The following ST6GALNAC5 variants were observed in gnomAD, a reference collection of about 807,000 sequenced individuals.
The protein encoded by ST6GALNAC5 is ST6 N-acetylgalactosaminide alpha-2,6-sialyltransferase 5.
Under a neutral mutation model 33.6 loss-of-function variants are expected in ST6GALNAC5, and 27 were observed. The observed-to-expected ratio is 0.80, with a 90% confidence interval of 0.59 to 1.11. The LOEUF (loss-of-function observed/expected upper bound fraction) is 1.11, where lower values mean the gene tolerates loss of function less well. ST6GALNAC5 is among the 50% of genes least tolerant of loss of function. The pLI, the probability that ST6GALNAC5 is intolerant of heterozygous loss-of-function variation, is 0.00. For missense variants in ST6GALNAC5, 428 were observed against 454.0 expected (o/e 0.94, Z 0.52); for synonymous variants, 194 against 171.2 (o/e 1.13, Z -1.04).
chr1:76,902,612 C>T (rs1408062519), intron 2 of ST6GALNAC5, among the ~76,000 whole-genome samples: 1 of 152,080 alleles, frequency 6.6e-6, no homozygotes, highest in Non-Finnish European at 1.5e-5. Flanking sequence ...GAAGGCCTTT[C>T]AAATTTCATA....
intron 2 of ST6GALNAC5, among the ~76,000 whole-genome samples, chr1:76,955,396 A>C (rs1281569633): frequency 6.6e-6 from 1 of 152,288 alleles, no homozygotes. Flanking sequence ...GATTAGTTTA[A>C]TTTCTTACAA....
intron 2 of ST6GALNAC5, among the ~76,000 whole-genome samples, chr1:76,922,813 G>T (rs1289997652): frequency 6.6e-6 from 1 of 151,948 alleles, no homozygotes; most frequent in Admixed American, 6.6e-5. Context: ...ACACGCACCT[G>T]TGGTCCCAGC....
At chr1:76,984,212 T>C (rs940977641) in intron 2 of ST6GALNAC5, among the ~76,000 whole-genome samples, 3 of 152,114 alleles carry the variant, frequency 2.0e-5, no homozygotes, top group African/African-American at 7.2e-5. Context: ...AAAAAATTAA[T>C]GAATTCAGGA....
intron 2 of ST6GALNAC5, among the ~76,000 whole-genome samples, chr1:76,886,585 A>G (rs905575222): frequency 3.9e-5 from 6 of 152,186 alleles, no homozygotes; most frequent in African/African-American, 1.4e-4. Flanking sequence ...TATAAAATCA[A>G]CTATTTCATT....
chr1:76,940,481 G>A (rs1461248468), intron 2 of ST6GALNAC5, among the ~76,000 whole-genome samples: 8 of 152,048 alleles, frequency 5.3e-5, no homozygotes, highest in Non-Finnish European at 1.0e-4. Context: ...GCACATACAT[G>A]TTAGTGTGCA....
intron 2 of ST6GALNAC5, among the ~76,000 whole-genome samples, chr1:76,915,720 C>T (rs1477093156): frequency 1.3e-5 from 2 of 151,656 alleles, no homozygotes; most frequent in African/African-American, 2.4e-5. Flanking sequence ...GGAGGGATAG[C>T]ATTAGGAGAT....
At chr1:76,917,526 T>A (rs914584400) in intron 2 of ST6GALNAC5, among the ~76,000 whole-genome samples, 1 of 152,076 alleles carries the variant, frequency 6.6e-6, no homozygotes, top group African/African-American at 2.4e-5. Flanking sequence ...AGGAATGAGG[T>A]TATAAATAAT....
chr1:77,024,157 A>C (rs771214965), intron 2 of ST6GALNAC5, among the ~76,000 whole-genome samples: 1 of 152,134 alleles, frequency 6.6e-6, no homozygotes, highest in East Asian at 1.9e-4. Context: ...AGCTGACCCA[A>C]TGTGCTCCCC....
chr1:76,914,557 C>A (rs1240357110), intron 2 of ST6GALNAC5, among the ~76,000 whole-genome samples: 3 of 152,174 alleles, frequency 2.0e-5, no homozygotes, highest in Non-Finnish European at 4.4e-5. Context: ...ACTATCTGAT[C>A]TTTGACAAAC....
intron 2 of ST6GALNAC5, among the ~76,000 whole-genome samples, chr1:76,968,433 G>A (rs1648592775): frequency 6.6e-6 from 1 of 152,000 alleles, no homozygotes; most frequent in African/African-American, 2.4e-5. Context: ...CATTTGCTTG[G>A]TAGATCTTCC....
At chr1:76,981,941 A>C (rs1434945301) in intron 2 of ST6GALNAC5, among the ~76,000 whole-genome samples, 2 of 152,214 alleles carry the variant, frequency 1.3e-5, no homozygotes, top group Non-Finnish European at 2.9e-5. Flanking sequence ...AAGGAAAACT[A>C]ATGAGCAGAA....
chr1:77,013,439 G>T (rs1650713645), intron 2 of ST6GALNAC5, among the ~76,000 whole-genome samples: 1 of 152,200 alleles, frequency 6.6e-6, no homozygotes, highest in African/African-American at 2.4e-5. Flanking sequence ...CCAGGAGGTT[G>T]TTGTTTGATT....
chr1:76,981,435 G>A (rs914440094), intron 2 of ST6GALNAC5, among the ~76,000 whole-genome samples: 3 of 152,208 alleles, frequency 2.0e-5, no homozygotes, highest in Non-Finnish European at 4.4e-5. Flanking sequence ...GTGGCTGGGG[G>A]AGGGGCATCC....
At chr1:76,993,932 G>A (rs958846051) in intron 2 of ST6GALNAC5, among the ~76,000 whole-genome samples, 6 of 152,054 alleles carry the variant, frequency 3.9e-5, no homozygotes, top group South Asian at 2.1e-4. Flanking sequence ...AGAAAAAAAA[G>A]GGCCTATTTT....
chr1:76,969,213 T>C (rs977632691), intron 2 of ST6GALNAC5, among the ~76,000 whole-genome samples: 1 of 152,162 alleles, frequency 6.6e-6, no homozygotes, highest in Non-Finnish European at 1.5e-5. Context: ...AGCAGGGTGG[T>C]GCATTGTCTG....
intron 2 of ST6GALNAC5, among the ~76,000 whole-genome samples, chr1:76,975,928 C>G (rs1648991916): frequency 6.6e-6 from 1 of 151,964 alleles, no homozygotes; most frequent in Non-Finnish European, 1.5e-5. Flanking sequence ...AACCCCATCT[C>G]TACTAAAAAT....
chr1:77,046,782 C>G (rs1652024538), intron 3 of ST6GALNAC5, among the ~76,000 whole-genome samples: 1 of 152,128 alleles, frequency 6.6e-6, no homozygotes, highest in Non-Finnish European at 1.5e-5. Flanking sequence ...ACACTTTTCT[C>G]TTTTTTAGTT....
chr1:76,922,102 A>G (rs1026983249), intron 2 of ST6GALNAC5, among the ~76,000 whole-genome samples: 3 of 152,228 alleles, frequency 2.0e-5, no homozygotes, highest in Non-Finnish European at 2.9e-5. Context: ...TATTCTATTT[A>G]GGAAATTCCA....
chr1:76,959,574 C>T (rs150341165), intron 2 of ST6GALNAC5, among the ~76,000 whole-genome samples: 1,623 of 152,272 alleles, frequency 0.011, 18 homozygotes, highest in Non-Finnish European at 0.018. Context: ...CTTGCTGAAG[C>T]GCAGAGTGGA....
Sources: gnomAD v4.1 joint callset for allele counts (sites outside exome capture counted in the v4.1 genomes callset) on GRCh38, gnomAD v4.1.1 for gene constraint, MANE v1.5 for transcripts, NCBI Gene and HGNC (gene_info 2026-07-23, HGNC 2026-07-21) for gene names.